Variants in ARHGEF3 observed in about 807,000 individuals in gnomAD.
ARHGEF3 encodes the protein Rho guanine nucleotide exchange factor 3.
Under a neutral mutation model 63.2 loss-of-function variants are expected in ARHGEF3, and 28 were observed. The ratio of observed to expected loss-of-function variants is 0.44; its 90% CI spans 0.33 to 0.61. ARHGEF3 has a LOEUF of 0.61. ARHGEF3 is among the 20% of genes least tolerant of loss of function. The pLI, the probability that ARHGEF3 is intolerant of heterozygous loss-of-function variation, is 0.03. For synonymous variants in ARHGEF3, 266 were observed against 254.2 expected, an observed-to-expected ratio of 1.05 and a Z score of -0.44; for missense variants, 533 against 659.3, an observed-to-expected ratio of 0.81 and a Z score of 2.10.
At chr3:57,002,479 T>TTATATATATATATATATATATA (rs1159985048) in intron 2 of ARHGEF3, among the ~76,000 whole-genome samples, 1 of 39,472 alleles carries the variant, frequency 2.5e-5, no homozygotes, top group Non-Finnish European at 4.1e-5. Flanking sequence ...TATATATATG[T>TTATATATATATATATATATATA]TATATATATA....
intron 3 of ARHGEF3, among the ~76,000 whole-genome samples, chr3:56,920,442 G>T (rs1026314064): frequency 6.6e-5 from 10 of 152,172 alleles, no homozygotes; most frequent in African/African-American, 2.4e-4. Flanking sequence ...CTGTTGAGAA[G>T]TTCCAAGCAA....
chr3:57,038,234 T>G (rs1204878520), intron 1 of ARHGEF3, among the ~76,000 whole-genome samples: 1 of 152,152 alleles, frequency 6.6e-6, no homozygotes. Flanking sequence ...GCTGAATGAA[T>G]GAACAAATGA....
intron 2 of ARHGEF3, among the ~76,000 whole-genome samples, chr3:56,766,977 G>A (rs1199162835): frequency 2.6e-5 from 4 of 152,166 alleles, no homozygotes; most frequent in African/African-American, 9.7e-5. Flanking sequence ...TAACTCAACT[G>A]TACATTCTTT....
intron 4 of ARHGEF3, among the ~76,000 whole-genome samples, chr3:56,857,937 G>A (rs1365237801): frequency 6.6e-6 from 1 of 152,030 alleles, no homozygotes; most frequent in Admixed American, 6.6e-5. Context: ...CCATTTTTCT[G>A]ACCTACAAAT....
chr3:56,741,142 T>C (rs1033611669), intron 7 of ARHGEF3, among the ~76,000 whole-genome samples: 25 of 152,042 alleles, frequency 1.6e-4, no homozygotes, highest in Non-Finnish European at 2.6e-4. Flanking sequence ...TGTCTTTCTA[T>C]CTACCTGAAT....
In ARHGEF3 at chr3:56,832,130, C is replaced by A. The variant is rs143695860; in HGVS notation, c.192+50162G>T. On this transcript the variant is annotated intron_variant, in intron 4 of 12. Coordinates refer to the ARHGEF3 transcript ENST00000338458. ...AAAGCAGGGCTCTGAGCTGGACAAGCAGGCAGCTCTTTTCAACCTGACCCC... is the reference window on the plus strand; with the variant it reads ...AAAGCAGGGCTCTGAGCTGGACAAGAAGGCAGCTCTTTTCAACCTGACCCC... Among the ~76,000 whole-genome samples the A allele has an allele frequency of 4.3e-4, 65 of 152,362 alleles. 3 individuals carry two copies. The South Asian group carries it at 0.013, about 31-fold the overall frequency.
At chr3:56,979,467 C>T (rs1701244948) in intron 2 of ARHGEF3, among the ~76,000 whole-genome samples, 1 of 152,228 alleles carries the variant, frequency 6.6e-6, no homozygotes, top group African/African-American at 2.4e-5. Flanking sequence ...ATCCTCTTCC[C>T]CCAAGATGCC....
At chr3:56,771,623 C>A (rs1474910014) in intron 2 of ARHGEF3, among the ~76,000 whole-genome samples, 1 of 152,196 alleles carries the variant, frequency 6.6e-6, no homozygotes, top group Non-Finnish European at 1.5e-5. Flanking sequence ...CACAGCACTG[C>A]AGCAAACCTA....
chr3:56,777,129 G>T (rs1258851982), intron 1 of ARHGEF3, among the ~76,000 whole-genome samples: 1 of 152,188 alleles, frequency 6.6e-6, no homozygotes, highest in Non-Finnish European at 1.5e-5. Flanking sequence ...TTATTAATAA[G>T]ATTTCATCAT....
intron 2 of ARHGEF3, among the ~76,000 whole-genome samples, chr3:57,011,272 T>A (rs1702689669): frequency 6.6e-6 from 1 of 152,150 alleles, no homozygotes; most frequent in Non-Finnish European, 1.5e-5. Flanking sequence ...AAGCACATGA[T>A]CTAAAACAAC....
chr3:56,738,924 T>C (rs748630652), intron 7 of ARHGEF3, among the ~76,000 whole-genome samples: 3 of 151,884 alleles, frequency 2.0e-5, no homozygotes, highest in African/African-American at 7.3e-5. Flanking sequence ...ACGCTGTCTC[T>C]ACTAAAAATA....
intron 6 of ARHGEF3, among the ~76,000 whole-genome samples, chr3:56,750,235 A>C (rs1315272707): frequency 6.6e-6 from 1 of 152,232 alleles, no homozygotes; most frequent in Non-Finnish European, 1.5e-5. Flanking sequence ...CACAGAAGGA[A>C]ACATAAATGT....
At chr3:56,802,553 C>T (rs1578556902), upstream of ARHGEF3, among the ~76,000 whole-genome samples, 4 of 152,158 alleles carry the variant, frequency 2.6e-5, no homozygotes, top group Admixed American at 2.6e-4. Flanking sequence ...CCTCCACAGT[C>T]GGTATACGAA....
intron 6 of ARHGEF3, among the ~76,000 whole-genome samples, chr3:56,750,815 T>G (rs1316049317): frequency 1.3e-5 from 2 of 151,902 alleles, no homozygotes; most frequent in East Asian, 1.9e-4. Context: ...TTTACTTATT[T>G]TGTTCCAAAA....
intron 4 of ARHGEF3, among the ~76,000 whole-genome samples, chr3:56,827,944 CAAAAAAAAAAAA>C (rs11462683): frequency 1.5e-4 from 5 of 33,808 alleles, no homozygotes; most frequent in Non-Finnish European, 4.6e-5. Context: ...GATTCTGTCT[CAAAAAAAAAAAA>C]AAAAAAAAAA....
At chr3:56,833,648 G>A (rs1014319620) in intron 4 of ARHGEF3, among the ~76,000 whole-genome samples, 20 of 152,026 alleles carry the variant, frequency 1.3e-4, no homozygotes, top group South Asian at 1.2e-3. Flanking sequence ...AAAATGTGTC[G>A]CACTTCCCTA....
At chr3:56,845,046 G>A (rs999037123) in intron 4 of ARHGEF3, among the ~76,000 whole-genome samples, 10 of 152,198 alleles carry the variant, frequency 6.6e-5, no homozygotes, top group African/African-American at 1.9e-4. Context: ...TGTGGCAAAG[G>A]GCTGAAAGTG....
At chr3:57,001,594 G>A (rs968234585) in intron 2 of ARHGEF3, among the ~76,000 whole-genome samples, 25 of 152,230 alleles carry the variant, frequency 1.6e-4, no homozygotes, top group Non-Finnish European at 7.3e-5. Flanking sequence ...ACAGAAATCT[G>A]CTGGGATTCC....
At position 56,992,024 on chromosome 3, in the gene ARHGEF3, C is replaced by CTCTCTCTCTGTG. The variant is rs1239113895; in HGVS notation, c.63-33136_63-33135insCACAGAGAGAGA. Among the ~76,000 whole-genome samples the CTCTCTCTCTGTG allele has an allele frequency of 7.7e-3, 1,020 of 131,696 alleles. 13 individuals carry two copies. Among genetic ancestry groups the CTCTCTCTCTGTG allele is most frequent in the African/African-American group, 0.028 (971 of 34,428 alleles). 86.4% of individuals were successfully genotyped at this position (131,696 alleles called of 152,430 possible). ...TCTCACTCTCTCTCCCCTCCTCTCT[C>CTCTCTCTCTGTG]TGTGTGTGTGTGTGTGTGTGTGTGT... On this transcript the variant is annotated intron_variant, in intron 2 of 12. Coordinates refer to the ARHGEF3 transcript ENST00000338458.
Sources: allele counts gnomAD v4.1 joint callset (sites outside exome capture counted in the v4.1 genomes callset), GRCh38; gene constraint gnomAD v4.1.1; transcripts MANE v1.5; gene names NCBI Gene and HGNC (gene_info 2026-07-23, HGNC 2026-07-21).